EYA4: variants seen among roughly 807,000 people sequenced by gnomAD.
The protein encoded by EYA4 is protein phosphatase EYA4.
Under a neutral mutation model 87.9 loss-of-function variants are expected in EYA4, and 31 were observed. That is an observed-to-expected ratio of 0.35 (90% CI 0.27 to 0.48). EYA4 has a LOEUF of 0.48. EYA4 is among the 20% of genes least tolerant of loss of function. The pLI, the probability that EYA4 is intolerant of heterozygous loss-of-function variation, is 0.99. For synonymous variants in EYA4, 263 were observed against 270.6 expected, an observed-to-expected ratio of 0.97 and a Z score of 0.28; for missense variants, 678 against 761.4, an observed-to-expected ratio of 0.89 and a Z score of 1.29.
In EYA4 at chr6:133,295,630, T is replaced by C. The variant is rs537059278; in HGVS notation, c.33+20817T>C. ...GCAAAAATGACAAGTATAATTGGGG[T>C]ATTTACATTCTCTTTTTAAAGACAG... On this transcript the variant is annotated intron_variant, in intron 2 of 19. Transcript: ENST00000355286. 5.9e-5 allele frequency among the ~76,000 whole-genome samples: 9 copies of C among 152,324 alleles called. No homozygotes were observed. In the South Asian group the frequency reaches 1.9e-3, roughly 32 times the overall value.
At chr6:133,522,256 T>C (rs1800248796) in intron 17 of EYA4, among the ~76,000 whole-genome samples, 2 of 64,436 alleles carry the variant, frequency 3.1e-5, no homozygotes, top group African/African-American at 1.2e-4. Context: ...GTGTGCCATG[T>C]TGGTGTGCTA....
At chr6:133,309,683 C>T (rs1292858457) in intron 2 of EYA4, among the ~76,000 whole-genome samples, 3 of 152,166 alleles carry the variant, frequency 2.0e-5, no homozygotes, top group Admixed American at 2.0e-4. Context: ...TGCCAACATG[C>T]CTCCTTATTT....
In EYA4 at chr6:133,334,561, C is replaced by T. The variant is rs577745362; in HGVS notation, c.34-47831C>T. Among the ~76,000 whole-genome samples the T allele has an allele frequency of 4.6e-5, 7 of 152,252 alleles. No individual in the cohort carries two copies. In the South Asian group the frequency reaches 1.5e-3, roughly 32 times the overall value. ...TTCCTGCTACCATGTGTCTAGTTGGCATGTGTCACCAGGGCTGAACATTTT... is the reference window on the plus strand; with the variant it reads ...TTCCTGCTACCATGTGTCTAGTTGGTATGTGTCACCAGGGCTGAACATTTT... On this transcript the variant is annotated intron_variant, in intron 2 of 19. Transcript: ENST00000355286.
rs534842981 is a variant in EYA4, at chr6:133,328,513, GA to G, written c.33+53705del. ...AGCACTAATTTTCATTTTCTAAAGA[GA>G]AAAATACTTGGTTTAAATAACCTGA... On this transcript the variant is annotated intron_variant, in intron 2 of 19. Transcript: ENST00000355286. Among the ~76,000 whole-genome samples the G allele has an allele frequency of 5.7e-4, 87 of 152,170 alleles. No homozygotes were observed. In the Middle Eastern group the frequency reaches 0.014, roughly 24 times the overall value.
intron 16 of EYA4, 122 bp downstream of exon 16, chr6:133,513,160 A>G (rs1199186743): frequency 6.1e-6 from 6 of 989,310 alleles, no homozygotes; most frequent in Non-Finnish European, 9.2e-6. Flanking sequence ...ATTAAACCAC[A>G]TTGAGCCAGA....
chr6:133,315,863 T>C (rs1780581047), intron 2 of EYA4, among the ~76,000 whole-genome samples: 1 of 152,238 alleles, frequency 6.6e-6, no homozygotes, highest in African/African-American at 2.4e-5. Flanking sequence ...AAATTCATTT[T>C]GGAATAGAGT....
chr6:133,476,997 C>G (rs1464351031), intron 11 of EYA4, among the ~76,000 whole-genome samples: 1 of 149,886 alleles, frequency 6.7e-6, no homozygotes, highest in Non-Finnish European at 1.5e-5. Context: ...TGAAATCTGA[C>G]AGTTTTATAC....
intron 1 of EYA4, chr6:133,247,706 A>G (rs1774527498): frequency 6.6e-6 from 1 of 152,004 alleles, no homozygotes; most frequent in African/African-American, 2.4e-5. Flanking sequence ...TTTCATTTAA[A>G]TGGAAACTGA....
chr6:133,312,366 T>A (rs925499543), intron 2 of EYA4, among the ~76,000 whole-genome samples: 6 of 149,376 alleles, frequency 4.0e-5, no homozygotes, highest in Non-Finnish European at 7.4e-5. Context: ...TGTGTGTGTG[T>A]GAGAGAGAGG....
At chr6:133,456,145 G>A (rs960548143) in intron 5 of EYA4, among the ~76,000 whole-genome samples, 10 of 152,064 alleles carry the variant, frequency 6.6e-5, no homozygotes, top group Non-Finnish European at 1.3e-4. Flanking sequence ...GTATTATTAT[G>A]CAAACTTAAA....
At chr6:133,500,102 G>T (rs1797977882) in intron 13 of EYA4, among the ~76,000 whole-genome samples, 1 of 151,066 alleles carries the variant, frequency 6.6e-6, no homozygotes, top group African/African-American at 2.4e-5. Flanking sequence ...TGCCAATGGT[G>T]CTGGTCTGTG....
chr6:133,424,677 C>T (rs1178204517), intron 3 of EYA4, among the ~76,000 whole-genome samples: 1 of 142,280 alleles, frequency 7.0e-6, no homozygotes, highest in East Asian at 2.3e-4. Context: ...CCAGCTCCTG[C>T]CTTCTCCATG....
At chr6:133,465,796 T>G (rs1794787136) in intron 10 of EYA4, among the ~76,000 whole-genome samples, 1 of 152,164 alleles carries the variant, frequency 6.6e-6, no homozygotes, top group Non-Finnish European at 1.5e-5. Flanking sequence ...ATCAATTGCT[T>G]TATTTTAGTT....
chr6:133,440,694 AT>A (rs1562423596), intron 3 of EYA4, among the ~76,000 whole-genome samples: 1 of 152,192 alleles, frequency 6.6e-6, no homozygotes, highest in Non-Finnish European at 1.5e-5. Flanking sequence ...ACAAGCTAAA[AT>A]TGTGAAGGGG....
At chr6:133,308,710 A>G (rs894572427) in intron 2 of EYA4, among the ~76,000 whole-genome samples, 1 of 152,202 alleles carries the variant, frequency 6.6e-6, no homozygotes, top group African/African-American at 2.4e-5. Context: ...TATGGCCTCC[A>G]GCCGCATCCA....
intron 1 of EYA4, among the ~76,000 whole-genome samples, chr6:133,260,528 G>A (rs1385948638): frequency 2.0e-5 from 3 of 152,122 alleles, no homozygotes; most frequent in Non-Finnish European, 4.4e-5. Context: ...ATGAGCCACC[G>A]CACCTCGCCT....
chr6:133,478,348 G>A (rs1200311906), intron 11 of EYA4, among the ~76,000 whole-genome samples: 1 of 152,034 alleles, frequency 6.6e-6, no homozygotes, highest in Non-Finnish European at 1.5e-5. Flanking sequence ...ACAAAGACAT[G>A]TACAAGAATG....
chr6:133,262,521 T>C (rs1203740667), intron 1 of EYA4, among the ~76,000 whole-genome samples: 1 of 152,238 alleles, frequency 6.6e-6, no homozygotes, highest in East Asian at 1.9e-4. Context: ...GAATTACTTC[T>C]GTGTTTTCTA....
At chr6:133,281,698 T>G (rs542475218) in intron 2 of EYA4, among the ~76,000 whole-genome samples, 3 of 152,048 alleles carry the variant, frequency 2.0e-5, no homozygotes, top group South Asian at 4.1e-4. Flanking sequence ...AGGTTTGGGG[T>G]ATGATTGATG....
Sources: allele counts gnomAD v4.1 joint callset (sites outside exome capture counted in the v4.1 genomes callset), GRCh38; gene constraint gnomAD v4.1.1; transcripts MANE v1.5; gene names NCBI Gene and HGNC (gene_info 2026-07-23, HGNC 2026-07-21).